The following TMEM164 variants were observed in gnomAD, a reference collection of about 807,000 sequenced individuals.
TMEM164 encodes the protein transmembrane protein 164.
TMEM164 carries 4 observed loss-of-function variants against 18.8 expected under a neutral mutation model. The ratio of observed to expected loss-of-function variants is 0.21; its 90% CI spans 0.10 to 0.49. The LOEUF is 0.49. TMEM164 is among the 20% of genes least tolerant of loss of function. The pLI, the probability that TMEM164 is intolerant of heterozygous loss-of-function variation, is 0.98. For synonymous variants in TMEM164, 86 were observed against 101.7 expected (o/e 0.85, Z 0.93); for missense variants, 108 against 239.9 (o/e 0.45, Z 3.63).
At chrX:110,071,735 A>T (rs2065594048) in intron 3 of TMEM164, among the ~76,000 whole-genome samples, 1 of 106,440 alleles carries the variant, frequency 9.4e-6, no homozygotes, top group African/African-American at 3.4e-5. Flanking sequence ...AAAAAAAAAA[A>T]AAAATTAAAA....
rs1265866882 is a variant in TMEM164, at chrX:110,004,119, C to T, written c.345C>T (p.Thr115=). 2 of 1,207,750 alleles carry T rather than the reference C, an allele frequency of 1.7e-6. No individual in the cohort carries two copies. The highest frequency in any genetic ancestry group is 2.2e-6 in the Non-Finnish European group (2 of 894,499). The change falls in exon 2 of 7, where the codon ACC becomes ACT. Residue 115 remains threonine (T), a synonymous_variant. Coordinates refer to ENST00000372068, the MANE Select transcript of TMEM164 (RefSeq NM_032227.4). ...TGGGCTTTAAGTTCGCCACCAAGAC[C>T]GTCATCTACCTGCTCAACCCCTGTC... The part of the protein sequence containing the change: ...VEVGFKFATK[T]VIYLLNPCHL...
In TMEM164 at chrX:110,020,617, T is replaced by TATGTCATGAAATGTAGAGG. The variant is rs1393630118; in HGVS notation, c.390+16454_390+16472dup. ...TTTCAGAAGGCAGGAGCTGGTCCTC[T>TATGTCATGAAATGTAGAGG]ATGTCATGAAATGTAGAGGGTGAGG... On this transcript the variant is annotated intron_variant, in intron 2 of 6. Transcript: ENST00000372068. The TATGTCATGAAATGTAGAGG allele has an allele frequency of 1.2e-5, 9 of 752,679 alleles. No homozygotes were observed. In the African/African-American group the frequency reaches 2.1e-4, roughly 17 times the overall value. 62.0% of individuals were successfully genotyped at this position (752,679 alleles called of 1,213,427 possible). A position where few individuals can be genotyped will look rare whatever the true frequency, so the allele number is the denominator to read the frequency against.
intron 2 of TMEM164, among the ~76,000 whole-genome samples, chrX:110,049,695 G>C (rs1935465957): frequency 9.0e-6 from 1 of 111,561 alleles, no homozygotes; most frequent in Non-Finnish European, 1.9e-5. Context: ...TTAGGAGGAA[G>C]ACCCATCTGA....
intron 4 of TMEM164, among the ~76,000 whole-genome samples, chrX:110,140,699 T>C (rs1221300439): frequency 8.9e-6 from 1 of 112,608 alleles, no homozygotes; most frequent in Non-Finnish European, 1.9e-5. Context: ...ATGACCTGTG[T>C]TGCTTAAAGC....
chrX:110,084,351 A>ATATATATATACTATACTATATATATATAC (rs1569320771), intron 3 of TMEM164, among the ~76,000 whole-genome samples: 1 of 90,006 alleles, frequency 1.1e-5, no homozygotes, highest in Non-Finnish European at 2.1e-5. Flanking sequence ...TAAAAATACT[A>ATATATATATACTATACTATATATATATAC]TATATATATA....
intron 5 of TMEM164, 23 bp downstream of exon 5, chrX:110,144,899 C>G (rs2066829927): frequency 1.7e-6 from 2 of 1,144,130 alleles, no homozygotes; most frequent in South Asian, 1.9e-5. Flanking sequence ...AACCACATTC[C>G]TATGTAACCC....
intron 4 of TMEM164, among the ~76,000 whole-genome samples, chrX:110,114,244 C>CA (rs2066329952): frequency 8.9e-6 from 1 of 111,957 alleles, no homozygotes; most frequent in African/African-American, 3.3e-5. Context: ...TCAGGAGGGA[C>CA]ACAGACTACA....
downstream of TMEM164, among the ~76,000 whole-genome samples, chrX:110,180,495 C>CCCCG (rs750789939): frequency 4.5e-4 from 49 of 108,805 alleles, no homozygotes; most frequent in African/African-American, 1.6e-3. Context: ...ACCCCCCCGC[C>CCCCG]CCGCCCACAG....
chrX:110,083,592 C>T (rs2065790244), intron 3 of TMEM164, among the ~76,000 whole-genome samples: 1 of 111,086 alleles, frequency 9.0e-6, no homozygotes, highest in Non-Finnish European at 1.9e-5. Context: ...AAAATCCTAC[C>T]AGGATTTTGA....
intron 4 of TMEM164, among the ~76,000 whole-genome samples, chrX:110,137,136 C>G (rs1403330890): frequency 9.0e-6 from 1 of 111,706 alleles, no homozygotes; most frequent in Non-Finnish European, 1.9e-5. Context: ...TATCATTTGC[C>G]TTACTTTCGA....
intron 2 of TMEM164, among the ~76,000 whole-genome samples, chrX:110,043,825 A>T (rs539568179): frequency 9.7e-4 from 109 of 112,325 alleles, no homozygotes; most frequent in South Asian, 2.2e-3. Context: ...CATTTTTTTT[A>T]AAATAACAAT....
At chrX:110,079,757 G>A (rs766794647) in intron 3 of TMEM164, among the ~76,000 whole-genome samples, 48 of 106,156 alleles carry the variant, frequency 4.5e-4, no homozygotes, top group African/African-American at 1.6e-3. Flanking sequence ...ATTGATGTAG[G>A]TAGTCTGCCA....
intron 2 of TMEM164, chrX:110,046,359 A>C (rs1935317357): frequency 4.0e-6 from 3 of 753,849 alleles, no homozygotes; most frequent in Non-Finnish European, 4.7e-6. Context: ...CTTTCCAGTC[A>C]ACTCTTGATT....
chrX:110,101,429 CT>C (rs2066108807), intron 3 of TMEM164, among the ~76,000 whole-genome samples: 1 of 110,880 alleles, frequency 9.0e-6, no homozygotes, highest in Non-Finnish European at 1.9e-5. Context: ...TTGGAGTATT[CT>C]TTTATAATTT....
chrX:110,097,219 G>T (rs1270776599), intron 3 of TMEM164, among the ~76,000 whole-genome samples: 1 of 111,861 alleles, frequency 8.9e-6, no homozygotes, highest in Non-Finnish European at 1.9e-5. Context: ...TGATCTGCCT[G>T]CCTTGGCCTC....
At chrX:110,085,336 AAT>A (rs1556000992) in intron 3 of TMEM164, among the ~76,000 whole-genome samples, 1 of 80,621 alleles carries the variant, frequency 1.2e-5, no homozygotes. Flanking sequence ...AATTAAAAAA[AAT>A]ATATATATAT....
intron 4 of TMEM164, among the ~76,000 whole-genome samples, chrX:110,115,536 A>G (rs1458438081): frequency 4.5e-5 from 5 of 111,426 alleles, no homozygotes; most frequent in Non-Finnish European, 7.5e-5. Flanking sequence ...CTATCCTAGA[A>G]TATGTCAACT....
chrX:110,088,682 T>C lies in TMEM164; in HGVS notation c.441-20398T>C, dbSNP rs1000149379. ...TAATTCTTAGAAGAGGGAAGATGCT[T>C]TGGGGTTGTTCACAGGTTCCCATTC... On this transcript the variant is annotated intron_variant, in intron 3 of 6. Coordinates refer to ENST00000372068, the MANE Select transcript of TMEM164 (RefSeq NM_032227.4). 2.7e-5 allele frequency among the ~76,000 whole-genome samples: 3 copies of C among 111,917 alleles called. No homozygotes were observed. The East Asian group carries it at 8.4e-4, about 31-fold the overall frequency.
intron 5 of TMEM164, among the ~76,000 whole-genome samples, chrX:110,149,285 G>A (rs1345943978): frequency 9.0e-6 from 1 of 111,557 alleles, no homozygotes; most frequent in African/African-American, 3.3e-5. Flanking sequence ...CTGCCCTTGA[G>A]TTTTCTTCTC....
Sources: gnomAD v4.1 joint callset for allele counts (sites outside exome capture counted in the v4.1 genomes callset) on GRCh38, gnomAD v4.1.1 for gene constraint, MANE v1.5 for transcripts, NCBI Gene and HGNC (gene_info 2026-07-23, HGNC 2026-07-21) for gene names.